Variants in TMTC1 observed in about 807,000 individuals in gnomAD.
TMTC1 encodes the protein protein O-mannosyl-transferase TMTC1.
TMTC1 carries 73 observed loss-of-function variants against 104.8 expected under a neutral mutation model. That is an observed-to-expected ratio of 0.70 (90% CI 0.58 to 0.85). TMTC1 has a LOEUF of 0.85. Ranked by LOEUF, TMTC1 falls within the 40% of genes least tolerant of loss-of-function variation. TMTC1 has a pLI of 0.00. For missense variants in TMTC1, 1,035 were observed against 1,096.1 expected (o/e 0.94, Z 0.79); for synonymous variants, 434 against 428.7 (o/e 1.01, Z -0.15).
intron 10 of TMTC1, among the ~76,000 whole-genome samples, chr12:29,541,833 A>G (rs1356571870): frequency 6.6e-6 from 1 of 151,912 alleles, no homozygotes; most frequent in Non-Finnish European, 1.5e-5. Flanking sequence ...TAACTTTTGT[A>G]TTTTTAGGAG....
intron 17 of TMTC1, among the ~76,000 whole-genome samples, chr12:29,510,402 CTATT>C (rs1203379805): frequency 6.6e-6 from 1 of 152,148 alleles, no homozygotes; most frequent in African/African-American, 2.4e-5. Context: ...GAAAATGTAA[CTATT>C]TAACATATGA....
intron 9 of TMTC1, among the ~76,000 whole-genome samples, chr12:29,567,827 T>G (rs1945558974): frequency 6.6e-6 from 1 of 152,182 alleles, no homozygotes. Flanking sequence ...ATTTCTTCTG[T>G]TTGAACGTGA....
At chr12:29,684,869 C>A (rs11050373) in intron 5 of TMTC1, among the ~76,000 whole-genome samples, 9 of 151,976 alleles carry the variant, frequency 5.9e-5, no homozygotes, top group Non-Finnish European at 8.8e-5. Context: ...ATTGTGAACA[C>A]AAAGAATTTT....
At chr12:29,544,747 A>G (rs955620658) in intron 10 of TMTC1, among the ~76,000 whole-genome samples, 2 of 152,240 alleles carry the variant, frequency 1.3e-5, no homozygotes, top group African/African-American at 4.8e-5. Flanking sequence ...GCTCCCAGGT[A>G]GGGACCTAAA....
intron 6 of TMTC1, among the ~76,000 whole-genome samples, chr12:29,619,824 C>T (rs897096634): frequency 1.3e-5 from 2 of 152,196 alleles, no homozygotes; most frequent in Non-Finnish European, 2.9e-5. Context: ...TACATTTGAA[C>T]ATACTACCTT....
chr12:29,547,784 C>T (rs539764993), intron 10 of TMTC1, among the ~76,000 whole-genome samples: 121 of 152,226 alleles, frequency 7.9e-4, no homozygotes, highest in African/African-American at 2.8e-3. Flanking sequence ...TGTGTGTACG[C>T]AATGGATATG....
At chr12:29,515,887 A>G (rs527972281) in intron 15 of TMTC1, among the ~76,000 whole-genome samples, 1 of 152,092 alleles carries the variant, frequency 6.6e-6, no homozygotes, top group Non-Finnish European at 1.5e-5. Context: ...AATGGAGATA[A>G]TAACAGTTGT....
At chr12:29,774,685 TA>T (rs781750261) in intron 1 of TMTC1, among the ~76,000 whole-genome samples, 3 of 152,292 alleles carry the variant, frequency 2.0e-5, no homozygotes, top group Admixed American at 6.5e-5. Flanking sequence ...ATTCAACCAA[TA>T]AATAACAACA....
chr12:29,568,829 G>C (rs1041090845), intron 9 of TMTC1: 1 of 438,256 alleles, frequency 2.3e-6, no homozygotes, highest in Non-Finnish European at 4.6e-6. Context: ...CTGACTTGTT[G>C]GGTGGTCTCT....
At chr12:29,739,833 C>T (rs1228330427) in intron 5 of TMTC1, among the ~76,000 whole-genome samples, 1 of 151,850 alleles carries the variant, frequency 6.6e-6, no homozygotes, top group Non-Finnish European at 1.5e-5. Flanking sequence ...CTCAGCCTAC[C>T]GAATAGCTGC....
intron 5 of TMTC1, among the ~76,000 whole-genome samples, chr12:29,656,328 A>G (rs1185910456): frequency 6.7e-6 from 1 of 148,382 alleles, no homozygotes; most frequent in Non-Finnish European, 1.5e-5. Context: ...GGATATATAT[A>G]TATATATATA....
intron 6 of TMTC1, among the ~76,000 whole-genome samples, chr12:29,631,792 C>A (rs768129377): frequency 1.3e-5 from 2 of 152,164 alleles, no homozygotes; most frequent in Non-Finnish European, 2.9e-5. Flanking sequence ...TGTTTCTCTG[C>A]AGAATGCTGA....
chr12:29,524,259 T>A (rs1944271783), intron 11 of TMTC1, among the ~76,000 whole-genome samples: 1 of 152,182 alleles, frequency 6.6e-6, no homozygotes, highest in Non-Finnish European at 1.5e-5. Context: ...AGCATCTCCA[T>A]GAACCAAACC....
At chr12:29,510,830 C>A (rs1943813243) in intron 17 of TMTC1, among the ~76,000 whole-genome samples, 1 of 152,138 alleles carries the variant, frequency 6.6e-6, no homozygotes, top group Non-Finnish European at 1.5e-5. Context: ...CTCCAAAAAC[C>A]CTGACTCATT....
At chr12:29,519,305 T>TA (rs1306843999) in intron 12 of TMTC1, 1 of 152,158 alleles carries the variant, frequency 6.6e-6, no homozygotes, top group Non-Finnish European at 1.5e-5. Flanking sequence ...AAGAGATATT[T>TA]AAAAAACCAC....
chr12:29,649,829 C>G (rs2092667647), intron 5 of TMTC1, among the ~76,000 whole-genome samples: 1 of 152,156 alleles, frequency 6.6e-6, no homozygotes, highest in African/African-American at 2.4e-5. Flanking sequence ...TTACAACCTT[C>G]TCAGAAGGGT....
chr12:29,576,607 A>C (rs890482226), intron 8 of TMTC1, among the ~76,000 whole-genome samples: 4 of 152,174 alleles, frequency 2.6e-5, no homozygotes, highest in Non-Finnish European at 4.4e-5. Flanking sequence ...CGAGAATAGA[A>C]TAATGGTTAG....
At position 29,505,944 on chromosome 12, in the gene TMTC1, G is replaced by A. The variant is rs1943685083; in HGVS notation, c.*902C>T. ...TTTTCAAAAAAATAATAAATCTCAT[G>A]ATGTCTGAACATTAAGATAATAAAG... On this transcript the variant is annotated 3_prime_UTR_variant, in exon 18 of 18. Transcript: ENST00000539277. 1 of 152,028 alleles carries A rather than the reference G, an allele frequency of 6.6e-6. No homozygotes were observed. Among genetic ancestry groups the A allele is most frequent in the Non-Finnish European group, 1.5e-5 (1 of 67,990 alleles). The allele number at this position is 152,028 out of a possible 1,614,324, so 9.4% of individuals were successfully genotyped here. A position where few individuals can be genotyped will look rare whatever the true frequency, so the allele number is the denominator to read the frequency against.
chr12:29,745,658 G>A lies in TMTC1; in HGVS notation c.938+6008C>T, dbSNP rs114292631. ...AAAAAAAGAAAGAAGCTGAAGAAGG[G>A]AAAAAGCTCAGCAATGCATATGGAT... is the stretch of plus-strand genomic sequence containing the variant. On this transcript the variant is annotated intron_variant, in intron 5 of 17. Coordinates refer to ENST00000539277, the MANE Select transcript of TMTC1 (RefSeq NM_001193451.2). 6.7e-3 allele frequency among the ~76,000 whole-genome samples: 998 copies of A among 149,190 alleles called. 11 individuals carry two copies. Among genetic ancestry groups the A allele is most frequent in the African/African-American group, 0.023 (914 of 40,500 alleles).
Sources: allele counts gnomAD v4.1 joint callset (sites outside exome capture counted in the v4.1 genomes callset), GRCh38; gene constraint gnomAD v4.1.1; transcripts MANE v1.5; gene names NCBI Gene and HGNC (gene_info 2026-07-23, HGNC 2026-07-21).